The following ARID1B variants were observed in gnomAD, a reference collection of about 807,000 sequenced individuals.
ARID1B encodes the protein AT-rich interaction domain 1B.
In ARID1B, 30 loss-of-function variants were observed where a neutral mutation model predicts 212.3. That is an observed-to-expected ratio of 0.14 (90% CI 0.11 to 0.19). The LOEUF is 0.19. Ranked by LOEUF, ARID1B falls within the 10% of genes least tolerant of loss-of-function variation. The pLI is 1.00. For missense variants in ARID1B, 2,891 were observed against 3,204.0 expected, an observed-to-expected ratio of 0.90 and a Z score of 2.36; for synonymous variants, 1,402 against 1,301.7, an observed-to-expected ratio of 1.08 and a Z score of -1.66.
intron 4 of ARID1B, among the ~76,000 whole-genome samples, chr6:156,944,108 C>G (rs1365629282): frequency 1.3e-5 from 2 of 152,078 alleles, no homozygotes; most frequent in Non-Finnish European, 1.5e-5. Flanking sequence ...CCTTCTAGCT[C>G]CAAAATTTTA....
intron 6 of ARID1B, among the ~76,000 whole-genome samples, chr6:157,115,366 T>C (rs550765880): frequency 6.6e-6 from 1 of 152,316 alleles, no homozygotes; most frequent in Admixed American, 6.5e-5. Flanking sequence ...CTCCTCTACA[T>C]CTTCTGTTTT....
intron 3 of ARID1B, among the ~76,000 whole-genome samples, chr6:156,922,588 A>AT (rs1157422599): frequency 1.3e-5 from 2 of 152,174 alleles, no homozygotes; most frequent in East Asian, 3.8e-4. Flanking sequence ...TGTTTCAGTT[A>AT]TTTAGAAAAG....
intron 2 of ARID1B, among the ~76,000 whole-genome samples, chr6:156,849,294 C>T (rs552303898): frequency 6.6e-6 from 1 of 152,144 alleles, no homozygotes; most frequent in Non-Finnish European, 1.5e-5. Flanking sequence ...ATGCCCTCTT[C>T]CCTGGAAGAG....
rs146182463 is a variant in ARID1B at position 157,086,258 on chromosome 6, A to G, written c.2491+1353A>G. ...GATTCATCTGTAATTTGATATAGGTATACGCTCAGTGCATTTTGATTAAAG... is the reference window on the plus strand; with the variant it reads ...GATTCATCTGTAATTTGATATAGGTGTACGCTCAGTGCATTTTGATTAAAG... On this transcript the variant is annotated intron_variant, in intron 5 of 19. Transcript: ENST00000636930. Among the ~76,000 whole-genome samples the G allele has an allele frequency of 7.0e-3, 1,072 of 152,322 alleles. 16 individuals carry two copies. The highest frequency in any genetic ancestry group is 0.024 in the African/African-American group (996 of 41,566).
At chr6:156,784,407 G>A (rs1889438) in intron 1 of ARID1B, among the ~76,000 whole-genome samples, 49,201 of 152,060 alleles carry the variant, frequency 0.32, 8,880 homozygotes, top group African/African-American at 0.49. Flanking sequence ...CTATTTGAAT[G>A]AGACTCAATG....
At chr6:156,998,424 C>T (rs956506984) in intron 4 of ARID1B, among the ~76,000 whole-genome samples, 25 of 152,110 alleles carry the variant, frequency 1.6e-4, no homozygotes, top group African/African-American at 4.6e-4. Flanking sequence ...AGGGTTTCAC[C>T]GTGTTAGCCA....
intron 8 of ARID1B, among the ~76,000 whole-genome samples, chr6:157,155,162 C>G (rs1403979588): frequency 6.6e-6 from 1 of 152,122 alleles, no homozygotes. Context: ...CAGAGCCAAG[C>G]GCTTTGTGAG....
At chr6:157,033,014 T>G (rs1053296367) in intron 4 of ARID1B, among the ~76,000 whole-genome samples, 1 of 152,232 alleles carries the variant, frequency 6.6e-6, no homozygotes, top group South Asian at 2.1e-4. Context: ...AATGAAAATT[T>G]GGTTATATTC....
At chr6:156,957,248 C>T (rs1277583369) in intron 4 of ARID1B, among the ~76,000 whole-genome samples, 2 of 152,214 alleles carry the variant, frequency 1.3e-5, no homozygotes, top group East Asian at 1.9e-4. Context: ...CTGTGTCCCA[C>T]GTCTTTCTCC....
chr6:157,191,038 G>A (rs1056534714), intron 15 of ARID1B, among the ~76,000 whole-genome samples: 4 of 152,268 alleles, frequency 2.6e-5, no homozygotes, highest in East Asian at 3.9e-4. Flanking sequence ...GTCTGTGGGC[G>A]TATTGATGAA....
At chr6:156,776,117 T>TACCAAA (rs1778610635), upstream of ARID1B, among the ~76,000 whole-genome samples, 1 of 152,246 alleles carries the variant, frequency 6.6e-6, no homozygotes, top group African/African-American at 2.4e-5. Context: ...AACTATACTC[T>TACCAAA]ACCAAAACCG....
chr6:157,063,603 CAT>C (rs1168941078), intron 4 of ARID1B, among the ~76,000 whole-genome samples: 2 of 152,150 alleles, frequency 1.3e-5, no homozygotes, highest in Non-Finnish European at 2.9e-5. Flanking sequence ...TTCTCAGGCA[CAT>C]GTGAGTTACC....
chr6:156,868,198 G>A (rs928835415), intron 2 of ARID1B, among the ~76,000 whole-genome samples: 5 of 152,238 alleles, frequency 3.3e-5, no homozygotes, highest in African/African-American at 1.2e-4. Flanking sequence ...TAGGTAAAGT[G>A]TGAATTATAA....
At chr6:156,872,327 T>C (rs143107648) in intron 2 of ARID1B, among the ~76,000 whole-genome samples, 1 of 152,172 alleles carries the variant, frequency 6.6e-6, no homozygotes, top group Non-Finnish European at 1.5e-5. Context: ...TGTTTTTGTT[T>C]GTTTGTTTTT....
chr6:156,991,294 G>A (rs754187372), intron 4 of ARID1B, among the ~76,000 whole-genome samples: 4 of 152,118 alleles, frequency 2.6e-5, no homozygotes, highest in South Asian at 2.1e-4. Context: ...GCAATGGTGC[G>A]ATCTCGGCTC....
chr6:157,206,593 C>G lies in ARID1B; in HGVS notation c.5821C>G (p.His1941Asp). 6.2e-7 allele frequency: 1 copy of G among 1,614,146 alleles called. No homozygotes were observed. Among genetic ancestry groups the G allele is most frequent in the Non-Finnish European group, 8.5e-7 (1 of 1,180,034 alleles). ...RVQEFNSGLLHWQLGGGDTTE... is the reference protein window; with the variant it reads ...RVQEFNSGLLDWQLGGGDTTE... ...GCAGGAGTTCAATAGTGGCCTTCTG[C>G]ACTGGCAGCTCGGCGGGGGTGACAC... The change falls in exon 20 of 20, where the codon CAC (histidine) becomes GAC (aspartate). Residue 1941 changes from histidine to aspartate, a missense_variant. Transcript: ENST00000636930. The surrounding 1 kb of genome is among the most constrained non-coding windows in gnomAD (Gnocchi z 6.8).
chr6:156,957,122 T>TTATC, intron 4 of ARID1B, among the ~76,000 whole-genome samples: 1 of 152,198 alleles, frequency 6.6e-6, no homozygotes, highest in Non-Finnish European at 1.5e-5. Flanking sequence ...GATGTAGAGT[T>TTATC]TATCTGTTGC....
At chr6:157,180,880 A>T in intron 11 of ARID1B, 89 bp from the exon 12 acceptor site, 1 of 1,080,510 alleles carries the variant, frequency 9.3e-7, no homozygotes. Context: ...CTCTTCTTGT[A>T]TTTGTTAGCT....
chr6:156,987,976 T>C lies in ARID1B; in HGVS notation c.2247+52400T>C, dbSNP rs143793997. 3.5e-4 allele frequency among the ~76,000 whole-genome samples: 53 copies of C among 152,288 alleles called. 1 individual carries two copies. In the East Asian group the frequency reaches 9.3e-3, roughly 27 times the overall value. On this transcript the variant is annotated intron_variant, in intron 4 of 19. Coordinates refer to ENST00000636930, the MANE Select transcript of ARID1B (RefSeq NM_001374828.1). The stretch of plus-strand genomic sequence containing the variant: ...CAGATAATAAGTGTGTGCATGATGG[T>C]GATGTTGGGGATAATGGAATATCGT...
Sources: allele counts gnomAD v4.1 joint callset (sites outside exome capture counted in the v4.1 genomes callset), GRCh38; gene constraint gnomAD v4.1.1; non-coding constraint Gnocchi (gnomAD v3.1); transcripts MANE v1.5; gene names NCBI Gene and HGNC (gene_info 2026-07-23, HGNC 2026-07-21).